Variants in MAML2 observed in about 807,000 individuals in gnomAD.
The protein encoded by MAML2 is mastermind like transcriptional coactivator 2.
In MAML2, 22 loss-of-function variants were observed where a neutral mutation model predicts 96.1. That is an observed-to-expected ratio of 0.23 (90% CI 0.16 to 0.33). MAML2 has a LOEUF of 0.33. Ranked by LOEUF, MAML2 falls within the 10% of genes least tolerant of loss-of-function variation. The probability of loss-of-function intolerance (pLI) is 1.00; values close to 1 mark genes in which losing one functional copy is unlikely to be tolerated. For synonymous variants in MAML2, 561 were observed against 521.3 expected (o/e 1.08, Z -1.04); for missense variants, 1,367 against 1,392.4 (o/e 0.98, Z 0.29).
intron 2 of MAML2, among the ~76,000 whole-genome samples, chr11:95,992,816 C>T (rs1420645705): frequency 6.6e-6 from 1 of 152,022 alleles, no homozygotes; most frequent in Non-Finnish European, 1.5e-5. Flanking sequence ...TATTCTGATA[C>T]TCATTGGTCC....
Position 96,164,184 on chromosome 11 carries a change from G to A in MAML2, c.514-70667C>T, listed in dbSNP as rs139192844. 7.2e-5 allele frequency among the ~76,000 whole-genome samples: 11 copies of A among 152,018 alleles called. No homozygotes were observed. In the South Asian group the frequency reaches 1.7e-3, roughly 23 times the overall value. On this transcript the variant is annotated intron_variant, in intron 1 of 4. Transcript: ENST00000524717. ...AGCCACCGTGCCCAGCCAATACTGC[G>A]CTTTCACAAATCCAAGCTGCAGGAA...
chr11:96,022,826 G>A (rs931713826), intron 2 of MAML2, among the ~76,000 whole-genome samples: 1 of 152,146 alleles, frequency 6.6e-6, no homozygotes, highest in Non-Finnish European at 1.5e-5. Context: ...ATTATAAAGT[G>A]TTTTTTACAG....
At chr11:96,304,203 T>C (rs1336325426) in intron 1 of MAML2, among the ~76,000 whole-genome samples, 1 of 152,166 alleles carries the variant, frequency 6.6e-6, no homozygotes. Flanking sequence ...ACACTGATTC[T>C]ACTGCTGAGG....
intron 4 of MAML2, among the ~76,000 whole-genome samples, chr11:95,985,299 C>T (rs1565181168): frequency 6.6e-6 from 1 of 152,134 alleles, no homozygotes; most frequent in Non-Finnish European, 1.5e-5. Context: ...CTTTTGAATT[C>T]TCAGAGGTAG....
intron 1 of MAML2, among the ~76,000 whole-genome samples, chr11:96,214,178 T>C (rs563920896): frequency 1.1e-4 from 17 of 152,352 alleles, no homozygotes; most frequent in African/African-American, 3.4e-4. Flanking sequence ...GTTTTAACAG[T>C]TGAATAATAA....
intron 1 of MAML2, among the ~76,000 whole-genome samples, chr11:96,180,378 G>T (rs1415831005): frequency 6.6e-6 from 1 of 152,136 alleles, no homozygotes; most frequent in Non-Finnish European, 1.5e-5. Flanking sequence ...CCAAGGCTAG[G>T]TTATAAAAAG....
rs1424198272 is a variant in MAML2, at chr11:96,087,230, G to A, written c.2139+4662C>T. ...GACAGAAGAACAAAAAAGACACCAAGTTCCTCCTGCTAATTTTCCAATTAT... is the reference window on the plus strand; with the variant it reads ...GACAGAAGAACAAAAAAGACACCAAATTCCTCCTGCTAATTTTCCAATTAT... On this transcript the variant is annotated intron_variant, in intron 2 of 4. Coordinates refer to ENST00000524717, the MANE Select transcript of MAML2 (RefSeq NM_032427.4). Among the ~76,000 whole-genome samples the A allele has an allele frequency of 2.0e-5, 3 of 152,188 alleles. No homozygotes were observed. In the East Asian group the frequency reaches 5.8e-4, roughly 29 times the overall value.
intron 3 of MAML2, among the ~76,000 whole-genome samples, chr11:95,985,854 A>G (rs1165124546): frequency 6.6e-6 from 1 of 152,186 alleles, no homozygotes; most frequent in East Asian, 1.9e-4. Context: ...CTACTTTTCC[A>G]TAACAGTCAA....
At position 96,130,795 on chromosome 11, in the gene MAML2, C is replaced by T. The variant is rs185891156; in HGVS notation, c.514-37278G>A. ...ATTTTTTTTTTTTTAGTAATTAAAA[C>T]GTTATTTTCTTTTCTTTAAAAAATG... is the stretch of plus-strand genomic sequence containing the variant. On this transcript the variant is annotated intron_variant, in intron 1 of 4. Transcript: ENST00000524717. Among the ~76,000 whole-genome samples the T allele has an allele frequency of 3.8e-3, 562 of 149,864 alleles. 3 individuals are homozygous for T. Among genetic ancestry groups the T allele is most frequent in the African/African-American group, 0.013 (516 of 40,830 alleles).
At chr11:96,149,790 CTGTCTCCTTCTCTT>C (rs1205263451) in intron 1 of MAML2, among the ~76,000 whole-genome samples, 2 of 152,120 alleles carry the variant, frequency 1.3e-5, no homozygotes, top group African/African-American at 2.4e-5. Flanking sequence ...TGTCTGCTCT[CTGTCTCCTTCTCTT>C]TGTCTCCTTC....
intron 1 of MAML2, among the ~76,000 whole-genome samples, chr11:96,212,161 C>T (rs1240866946): frequency 1.7e-5 from 2 of 116,778 alleles, no homozygotes; most frequent in Admixed American, 9.3e-5. Flanking sequence ...GGAAGGGGGA[C>T]TCGTAATCTC....
At chr11:96,197,170 A>G (rs905505454) in intron 1 of MAML2, among the ~76,000 whole-genome samples, 10 of 152,186 alleles carry the variant, frequency 6.6e-5, no homozygotes, top group African/African-American at 2.2e-4. Context: ...TTGCTGCCCC[A>G]CTTACTCAGA....
chr11:96,294,116 G>C (rs1469324298), intron 1 of MAML2, among the ~76,000 whole-genome samples: 1 of 152,092 alleles, frequency 6.6e-6, no homozygotes, highest in African/African-American at 2.4e-5. Context: ...TGATATGTTC[G>C]TTCTTAATTA....
At chr11:96,271,063 G>A (rs1862910467) in intron 1 of MAML2, among the ~76,000 whole-genome samples, 1 of 152,296 alleles carries the variant, frequency 6.6e-6, no homozygotes, top group East Asian at 1.9e-4. Flanking sequence ...TCGACTCTTG[G>A]ACTTACACCA....
At chr11:96,118,126 T>A (rs1454309538) in intron 1 of MAML2, among the ~76,000 whole-genome samples, 1 of 152,186 alleles carries the variant, frequency 6.6e-6, no homozygotes, top group African/African-American at 2.4e-5. Context: ...AGCAAACATA[T>A]ACACCAATAA....
At chr11:96,317,453 T>C (rs774410900) in intron 1 of MAML2, among the ~76,000 whole-genome samples, 1 of 152,206 alleles carries the variant, frequency 6.6e-6, no homozygotes, top group Non-Finnish European at 1.5e-5. Flanking sequence ...CGGGAAATTA[T>C]GAGGGTATGT....
At chr11:96,198,668 G>A (rs542348233) in intron 1 of MAML2, among the ~76,000 whole-genome samples, 58 of 152,140 alleles carry the variant, frequency 3.8e-4, no homozygotes, top group Admixed American at 2.2e-3. Context: ...CACTGCCCAC[G>A]GAGAGATGAT....
chr11:96,064,338 C>T (rs1859212949), intron 2 of MAML2, among the ~76,000 whole-genome samples: 1 of 152,208 alleles, frequency 6.6e-6, no homozygotes, highest in African/African-American at 2.4e-5. Flanking sequence ...AATAAGTTCA[C>T]TGGTCATGTC....
At chr11:96,032,707 C>T (rs1314541969) in intron 2 of MAML2, among the ~76,000 whole-genome samples, 3 of 151,900 alleles carry the variant, frequency 2.0e-5, no homozygotes, top group Non-Finnish European at 4.4e-5. Context: ...GATGCTACTT[C>T]GCACTAAAAA....
Sources: gnomAD v4.1 joint callset for allele counts (sites outside exome capture counted in the v4.1 genomes callset) on GRCh38, gnomAD v4.1.1 for gene constraint, MANE v1.5 for transcripts, NCBI Gene and HGNC (gene_info 2026-07-23, HGNC 2026-07-21) for gene names.